PPARGC1A: variants seen among roughly 807,000 people sequenced by gnomAD.
PPARGC1A encodes the protein peroxisome proliferator-activated receptor gamma coactivator 1-alpha.
In PPARGC1A, 25 loss-of-function variants were observed where a neutral mutation model predicts 88.7. The observed-to-expected ratio is 0.28, with a 90% CI of 0.21 to 0.39. The LOEUF is 0.39. Ranked by LOEUF, PPARGC1A falls within the 10% of genes least tolerant of loss-of-function variation. The probability of loss-of-function intolerance (pLI) is 1.00; values close to 1 mark genes in which losing one functional copy is unlikely to be tolerated. For missense variants in PPARGC1A, 880 were observed against 968.7 expected, an observed-to-expected ratio of 0.91 and a Z score of 1.22; for synonymous variants, 363 against 355.6, an observed-to-expected ratio of 1.02 and a Z score of -0.24.
At chr4:24,012,176 C>T in the PPARGC1A span, among the ~76,000 whole-genome samples, 15 of 152,124 alleles carry the variant, frequency 9.9e-5, no homozygotes, top group South Asian at 1.9e-3. Flanking sequence ...AAATATTTTT[C>T]GTGAAGTGTC....
chr4:24,032,823 C>G, the PPARGC1A span, among the ~76,000 whole-genome samples: 5 of 152,196 alleles, frequency 3.3e-5, no homozygotes, highest in African/African-American at 9.7e-5. Context: ...ATCCTCTGAG[C>G]CCAGCACAGA....
the PPARGC1A span, among the ~76,000 whole-genome samples, chr4:24,364,496 C>G: frequency 6.6e-6 from 1 of 152,266 alleles, no homozygotes; most frequent in East Asian, 1.9e-4. Context: ...TTGCACTTCT[C>G]CTCGCCTCTC....
At chr4:23,990,852 C>T in the PPARGC1A span, among the ~76,000 whole-genome samples, 7 of 151,992 alleles carry the variant, frequency 4.6e-5, no homozygotes, top group Non-Finnish European at 8.8e-5. Flanking sequence ...GCAAAAACCA[C>T]GTCGAGTAGG....
At chr4:23,807,330 T>G (rs1560333461) in intron 10 of PPARGC1A, among the ~76,000 whole-genome samples, 1 of 152,190 alleles carries the variant, frequency 6.6e-6, no homozygotes, top group African/African-American at 2.4e-5. Context: ...TGCCTACTAC[T>G]AGGGGGTGTT....
At chr4:23,984,390 A>G in the PPARGC1A span, among the ~76,000 whole-genome samples, 1 of 152,118 alleles carries the variant, frequency 6.6e-6, no homozygotes, top group African/African-American at 2.4e-5. Flanking sequence ...CTCATCAGTA[A>G]TTCTAACATC....
In PPARGC1A at chr4:23,813,953, C is replaced by T. The variant is rs1368761182; in HGVS notation, c.1530G>A (p.Leu510=). 3 of 1,613,982 alleles carry T rather than the reference C, an allele frequency of 1.9e-6. No homozygotes were observed. The highest frequency in any genetic ancestry group is 2.5e-6 in the Non-Finnish European group (3 of 1,179,980). The change falls in exon 8 of 13, where the codon CTG becomes CTA. Residue 510 remains leucine, a synonymous_variant. Transcript: ENST00000264867. ...FINSGLAMDG[L]FDDSEDESDK... The stretch of plus-strand genomic sequence containing the variant: ...CACTTTCATCTTCGCTGTCATCAAA[C>T]AGGCCATCCATGGCTAGTCCTGAAT...
At chr4:24,296,042 ATGTG>A in the PPARGC1A span, among the ~76,000 whole-genome samples, 765 of 149,462 alleles carry the variant, frequency 5.1e-3, 16 homozygotes, top group Admixed American at 0.035. Context: ...ATATATGTGT[ATGTG>A]TGTATGTGTA....
chr4:24,050,274 C>A, the PPARGC1A span, among the ~76,000 whole-genome samples: 4 of 142,298 alleles, frequency 2.8e-5, no homozygotes, highest in African/African-American at 1.0e-4. Context: ...TGGCTCACTG[C>A]AACCTCTGCC....
At chr4:24,239,271 A>G in the PPARGC1A span, among the ~76,000 whole-genome samples, 3 of 152,232 alleles carry the variant, frequency 2.0e-5, no homozygotes, top group African/African-American at 7.2e-5. Context: ...GAAGGAAATA[A>G]GCATGCAAAT....
chr4:24,177,224 C>A, the PPARGC1A span, among the ~76,000 whole-genome samples: 2 of 151,976 alleles, frequency 1.3e-5, no homozygotes, highest in African/African-American at 4.8e-5. Flanking sequence ...ACCCAAATGT[C>A]CAACAATGAT....
chr4:24,286,564 C>T, the PPARGC1A span, among the ~76,000 whole-genome samples: 1 of 152,120 alleles, frequency 6.6e-6, no homozygotes, highest in East Asian at 1.9e-4. Flanking sequence ...AGCAGCCATC[C>T]AAGCCCAAGG....
the PPARGC1A span, among the ~76,000 whole-genome samples, chr4:24,323,114 A>G: frequency 6.6e-6 from 1 of 152,102 alleles, no homozygotes; most frequent in Non-Finnish European, 1.5e-5. Context: ...GAAGGAAGAA[A>G]CCATGCCGGG....
chr4:24,282,575 C>T, the PPARGC1A span, among the ~76,000 whole-genome samples: 3 of 152,178 alleles, frequency 2.0e-5, no homozygotes, highest in African/African-American at 4.8e-5. Flanking sequence ...CTGTAAGGAA[C>T]GTCTCCATGG....
the PPARGC1A span, among the ~76,000 whole-genome samples, chr4:24,439,705 G>A: frequency 2.0e-5 from 3 of 152,170 alleles, no homozygotes; most frequent in African/African-American, 7.2e-5. Context: ...GGGATTCTGC[G>A]GTAGCTCTGT....
chr4:24,306,336 A>G, the PPARGC1A span, among the ~76,000 whole-genome samples: 1 of 152,228 alleles, frequency 6.6e-6, no homozygotes, highest in African/African-American at 2.4e-5. Context: ...TACATTAAAG[A>G]AGGAAACAGT....
At chr4:24,234,390 T>C in the PPARGC1A span, among the ~76,000 whole-genome samples, 1 of 152,344 alleles carries the variant, frequency 6.6e-6, no homozygotes, top group African/African-American at 2.4e-5. Flanking sequence ...AGTTATAGTT[T>C]CACTATCTGA....
chr4:23,939,151 G>T, the PPARGC1A span, among the ~76,000 whole-genome samples: 1 of 152,100 alleles, frequency 6.6e-6, no homozygotes, highest in African/African-American at 2.4e-5. Context: ...AGAAGAACAT[G>T]ACTACATCTT....
At chr4:24,362,875 G>A in the PPARGC1A span, among the ~76,000 whole-genome samples, 5 of 152,066 alleles carry the variant, frequency 3.3e-5, no homozygotes, top group African/African-American at 4.8e-5. Flanking sequence ...AAGCACATTC[G>A]GAAGCTCCTT....
chr4:23,964,473 T>C, the PPARGC1A span, among the ~76,000 whole-genome samples: 3 of 152,198 alleles, frequency 2.0e-5, no homozygotes, highest in Admixed American at 1.3e-4. Flanking sequence ...CCATGGTATT[T>C]CTCACTGCTG....
Sources: allele counts gnomAD v4.1 joint callset (sites outside exome capture counted in the v4.1 genomes callset), GRCh38; gene constraint gnomAD v4.1.1; transcripts MANE v1.5; gene names NCBI Gene and HGNC (gene_info 2026-07-23, HGNC 2026-07-21).